The following TFEC variants were observed in gnomAD, a reference collection of about 807,000 sequenced individuals.
The protein encoded by TFEC is class E basic helix-loop-helix protein 34.
Under a neutral mutation model 41.6 loss-of-function variants are expected in TFEC, and 31 were observed. That is an observed-to-expected ratio of 0.74 (90% CI 0.56 to 1.01). The LOEUF is 1.01. Among genes scored for constraint, TFEC ranks in the 50% least tolerant of loss-of-function variants. TFEC has a pLI of 0.00. For synonymous variants in TFEC, 143 were observed against 140.6 expected (o/e 1.02, Z -0.12); for missense variants, 402 against 404.1 (o/e 0.99, Z 0.04).
At chr7:116,009,766 A>C (rs1200931398) in intron 1 of TFEC, among the ~76,000 whole-genome samples, 1 of 152,174 alleles carries the variant, frequency 6.6e-6, no homozygotes. Context: ...TACGATAGGC[A>C]CTTGAGTGGG....
At chr7:116,038,459 C>T (rs760997997) in intron 3 of TFEC, among the ~76,000 whole-genome samples, 1 of 151,904 alleles carries the variant, frequency 6.6e-6, no homozygotes, top group African/African-American at 2.4e-5. Flanking sequence ...TTCTCCTTCC[C>T]AAAGGCATTT....
chr7:116,065,151 G>C (rs1402589070), intron 3 of TFEC, among the ~76,000 whole-genome samples: 1 of 152,104 alleles, frequency 6.6e-6, no homozygotes, highest in Non-Finnish European at 1.5e-5. Flanking sequence ...ACCAGCACAA[G>C]AGGAAAAATC....
intron 1 of TFEC, among the ~76,000 whole-genome samples, chr7:116,112,218 T>C (rs1441221930): frequency 6.6e-6 from 1 of 152,024 alleles, no homozygotes; most frequent in African/African-American, 2.4e-5. Context: ...AAAAGGCAGA[T>C]AGACAATATC....
rs1793235418 is a variant in TFEC at position 115,936,520 on chromosome 7, A to G, written c.*4031T>C. On this transcript the variant is annotated 3_prime_UTR_variant, in exon 8 of 8. Coordinates refer to ENST00000265440, the MANE Select transcript of TFEC (RefSeq NM_012252.4). The stretch of plus-strand genomic sequence containing the variant: ...AAAGTGTTTGAATAGGGTCAAAGAC[A>G]TTGTAAAAAAATTTGGAACACTTAG... The G allele has an allele frequency of 6.6e-6, 1 of 151,714 alleles. No individual in the cohort carries two copies. Among genetic ancestry groups the G allele is most frequent in the South Asian group, 2.1e-4 (1 of 4,824 alleles). The allele number at this position is 151,714 out of a possible 1,614,324, so 9.4% of individuals were successfully genotyped here.
At chr7:116,133,119 T>G (rs1798365505) in intron 1 of TFEC, among the ~76,000 whole-genome samples, 1 of 152,236 alleles carries the variant, frequency 6.6e-6, no homozygotes, top group Non-Finnish European at 1.5e-5. Context: ...TCTTTTCAGT[T>G]TTTGTCAATT....
chr7:116,084,298 T>C (rs1562963683), intron 3 of TFEC, among the ~76,000 whole-genome samples: 1 of 151,918 alleles, frequency 6.6e-6, no homozygotes, highest in Non-Finnish European at 1.5e-5. Context: ...TTTATTCGAA[T>C]TTATTTCATG....
intron 1 of TFEC, among the ~76,000 whole-genome samples, chr7:116,141,829 T>C (rs560441564): frequency 3.9e-5 from 6 of 152,296 alleles, no homozygotes; most frequent in African/African-American, 1.4e-4. Flanking sequence ...AATTCAACAA[T>C]TGGATATCAA....
chr7:116,077,403 G>C (rs1796984100), intron 3 of TFEC, among the ~76,000 whole-genome samples: 1 of 152,000 alleles, frequency 6.6e-6, no homozygotes, highest in Non-Finnish European at 1.5e-5. Context: ...TAGCACAATG[G>C]ATAGAATAGT....
At chr7:115,982,527 C>G (rs1793674095) in intron 2 of TFEC, among the ~76,000 whole-genome samples, 1 of 152,028 alleles carries the variant, frequency 6.6e-6, no homozygotes, top group Non-Finnish European at 1.5e-5. Flanking sequence ...TATAAACATA[C>G]CAAATTCAAA....
chr7:116,001,427 G>A (rs768899438), intron 1 of TFEC, among the ~76,000 whole-genome samples: 9 of 151,592 alleles, frequency 5.9e-5, no homozygotes, highest in South Asian at 2.1e-4. Flanking sequence ...CCCTGGAGGC[G>A]GAAGTTGCAG....
chr7:116,006,771 C>A (rs1228521188), intron 1 of TFEC, among the ~76,000 whole-genome samples: 1 of 152,094 alleles, frequency 6.6e-6, no homozygotes, highest in East Asian at 1.9e-4. Flanking sequence ...TGTGTCCCCA[C>A]CCAAATCTTA....
intron 1 of TFEC, among the ~76,000 whole-genome samples, chr7:116,021,215 T>G (rs2130854888): frequency 6.6e-6 from 1 of 152,332 alleles, no homozygotes; most frequent in Middle Eastern, 3.4e-3. Context: ...TGTTTGGGAT[T>G]TGTTTTTGTT....
intron 1 of TFEC, among the ~76,000 whole-genome samples, chr7:115,992,562 G>C (rs953471390): frequency 6.6e-6 from 1 of 152,172 alleles, no homozygotes; most frequent in Admixed American, 6.5e-5. Flanking sequence ...ACTACCATCA[G>C]AGAATACTAT....
chr7:116,058,352 A>G (rs1187147810), intron 3 of TFEC, among the ~76,000 whole-genome samples: 4 of 151,816 alleles, frequency 2.6e-5, no homozygotes. Flanking sequence ...TATGAACCTA[A>G]TAACAGAGTT....
chr7:116,032,441 T>A (rs973121298), upstream of TFEC, among the ~76,000 whole-genome samples: 1 of 152,010 alleles, frequency 6.6e-6, no homozygotes, highest in Non-Finnish European at 1.5e-5. Context: ...TAAATGCCCA[T>A]CAATGGTAGA....
chr7:115,996,552 G>C (rs756341444), intron 1 of TFEC, among the ~76,000 whole-genome samples: 3 of 151,862 alleles, frequency 2.0e-5, no homozygotes, highest in Non-Finnish European at 4.4e-5. Flanking sequence ...GAAAAGGAGA[G>C]GGAAGAGTAA....
intron 1 of TFEC, among the ~76,000 whole-genome samples, chr7:116,012,209 A>G (rs1795026807): frequency 6.6e-6 from 1 of 152,216 alleles, no homozygotes; most frequent in Non-Finnish European, 1.5e-5. Flanking sequence ...TTAAATTTCT[A>G]TTCAAAAAAG....
chr7:116,082,814 C>T (rs1446327325), intron 3 of TFEC, among the ~76,000 whole-genome samples: 1 of 151,852 alleles, frequency 6.6e-6, no homozygotes, highest in South Asian at 2.1e-4. Context: ...GTTTCTAGAC[C>T]GTCTCATCAG....
intron 1 of TFEC, among the ~76,000 whole-genome samples, chr7:115,997,633 G>T (rs569425646): frequency 1.3e-5 from 2 of 152,150 alleles, no homozygotes; most frequent in South Asian, 4.1e-4. Flanking sequence ...AAATCTCAGA[G>T]AAACAGAGAT....
Sources: gnomAD v4.1 joint callset for allele counts (sites outside exome capture counted in the v4.1 genomes callset) on GRCh38, gnomAD v4.1.1 for gene constraint, MANE v1.5 for transcripts, NCBI Gene and HGNC (gene_info 2026-07-23, HGNC 2026-07-21) for gene names.